MCF2L2: variants seen among roughly 807,000 people sequenced by gnomAD.
MCF2L2 encodes MCF.2 cell line derived transforming sequence-like 2, also known as probable guanine nucleotide exchange factor MCF2L2.
In MCF2L2, 102 loss-of-function variants were observed where a neutral mutation model predicts 150.2. The observed-to-expected ratio is 0.68, with a 90% CI of 0.58 to 0.80. MCF2L2 has a LOEUF of 0.80. Ranked by LOEUF, MCF2L2 falls within the 30% of genes least tolerant of loss-of-function variation. The pLI, the probability that MCF2L2 is intolerant of heterozygous loss-of-function variation, is 0.00. For synonymous variants in MCF2L2, 465 were observed against 491.3 expected (o/e 0.95, Z 0.71); for missense variants, 1,256 against 1,372.8 (o/e 0.91, Z 1.34).
chr3:183,254,664 C>A (rs548449759), intron 15 of MCF2L2: 1 of 152,226 alleles, frequency 6.6e-6, no homozygotes, highest in Non-Finnish European at 1.5e-5. Context: ...GCCGGGGGCC[C>A]CAGGCTTGCG....
In MCF2L2 at chr3:183,187,135, C is replaced by T. The variant is rs541194426; in HGVS notation, c.3016+5864G>A. On this transcript the variant is annotated intron_variant, in intron 27 of 29. Coordinates refer to ENST00000328913, the MANE Select transcript of MCF2L2 (RefSeq NM_015078.4). ...AGAGTGCCCCAATAAGTTTGAATAA[C>T]ACAAAAAAAAAGATAATGAAAGTAA... Among the ~76,000 whole-genome samples the T allele has an allele frequency of 4.6e-4, 70 of 151,616 alleles. No individual in the cohort carries two copies. The South Asian group carries it at 0.014, about 31-fold the overall frequency.
At chr3:183,365,577 A>G (rs1712473558) in intron 3 of MCF2L2, among the ~76,000 whole-genome samples, 1 of 152,248 alleles carries the variant, frequency 6.6e-6, no homozygotes, top group Non-Finnish European at 1.5e-5. Context: ...TTTGAGAAAG[A>G]TAAACTTGGA....
At chr3:183,323,694 T>C (rs1237791313) in intron 5 of MCF2L2, among the ~76,000 whole-genome samples, 1 of 150,598 alleles carries the variant, frequency 6.6e-6, no homozygotes, top group Non-Finnish European at 1.5e-5. Flanking sequence ...GCTACTTGGG[T>C]GGCTAAGTCA....
chr3:183,416,612 T>C (rs544787769), intron 1 of MCF2L2, among the ~76,000 whole-genome samples: 9 of 152,364 alleles, frequency 5.9e-5, no homozygotes, highest in Admixed American at 5.2e-4. Context: ...GCTTGATTTA[T>C]GATTTTTCAA....
intron 25 of MCF2L2, among the ~76,000 whole-genome samples, chr3:183,202,376 T>C (rs1722318163): frequency 6.6e-6 from 1 of 152,194 alleles, no homozygotes; most frequent in Admixed American, 6.5e-5. Flanking sequence ...AAGATGCTCA[T>C]AGAGGGTTGT....
intron 25 of MCF2L2, among the ~76,000 whole-genome samples, chr3:183,201,794 G>A (rs994511785): frequency 4.5e-4 from 68 of 152,120 alleles, no homozygotes; most frequent in African/African-American, 1.4e-3. Context: ...TTTGAGATAC[G>A]TCCCATCAAT....
chr3:183,400,209 ACTT>A (rs1411652044), intron 1 of MCF2L2: 1 of 309,796 alleles, frequency 3.2e-6, no homozygotes, highest in African/African-American at 2.2e-5. Context: ...TCATTTTAAA[ACTT>A]CTTCACAAAA....
chr3:183,357,525 C>T (rs553737335), intron 3 of MCF2L2, among the ~76,000 whole-genome samples: 2 of 152,302 alleles, frequency 1.3e-5, no homozygotes, highest in Non-Finnish European at 2.9e-5. Context: ...TGACGTGACA[C>T]CAAAAGTGGA....
chr3:183,268,985 CTG>C (rs1174370403), intron 15 of MCF2L2, among the ~76,000 whole-genome samples: 1 of 151,930 alleles, frequency 6.6e-6, no homozygotes, highest in Non-Finnish European at 1.5e-5. Context: ...AAGGAGCAAA[CTG>C]TGACTCCTTG....
chr3:183,211,216 C>G (rs1163759876), intron 22 of MCF2L2, among the ~76,000 whole-genome samples: 1 of 152,092 alleles, frequency 6.6e-6, no homozygotes, highest in Non-Finnish European at 1.5e-5. Context: ...AACCCCGGCT[C>G]CCTCCCCAGG....
chr3:183,424,038 T>C (rs139685412), intron 1 of MCF2L2, among the ~76,000 whole-genome samples: 10 of 152,300 alleles, frequency 6.6e-5, no homozygotes, highest in African/African-American at 2.2e-4. Context: ...AGATAGTCCA[T>C]GTTACTTAGA....
At chr3:183,297,364 T>C (rs1728571383) in intron 11 of MCF2L2, 197 bp from the exon 12 acceptor site, 2 of 516,334 alleles carry the variant, frequency 3.9e-6, no homozygotes, top group Non-Finnish European at 7.0e-6. Context: ...AACCAGCTGA[T>C]ACCTGTCCAC....
In MCF2L2 at chr3:183,187,312, G is replaced by A. The variant is rs193269591; in HGVS notation, c.3016+5687C>T. ...AGGCTGGCAGACAGGTTCTTCCTCT[G>A]TTAGCTCTGAGGTACAACAGTTATT... is the stretch of plus-strand genomic sequence containing the variant. On this transcript the variant is annotated intron_variant, in intron 27 of 29. Transcript: ENST00000328913. 1.0e-3 allele frequency among the ~76,000 whole-genome samples: 153 copies of A among 152,252 alleles called. 1 individual carries two copies. Among genetic ancestry groups the A allele is most frequent in the African/African-American group, 3.6e-3 (148 of 41,546 alleles).
At chr3:183,232,600 T>C (rs2108674564) in intron 15 of MCF2L2, among the ~76,000 whole-genome samples, 1 of 152,284 alleles carries the variant, frequency 6.6e-6, no homozygotes, top group East Asian at 1.9e-4. Context: ...ATCTATTAAA[T>C]GGCAGCCTCT....
chr3:183,358,005 T>C (rs923219937), intron 3 of MCF2L2, among the ~76,000 whole-genome samples: 1 of 152,150 alleles, frequency 6.6e-6, no homozygotes, highest in Non-Finnish European at 1.5e-5. Flanking sequence ...ATGGTATTAG[T>C]GGCCGGGTGC....
chr3:183,199,954 C>T (rs558281949), intron 25 of MCF2L2, among the ~76,000 whole-genome samples: 1 of 152,150 alleles, frequency 6.6e-6, no homozygotes, highest in African/African-American at 2.4e-5. Context: ...AGGACATGAA[C>T]TCATTGTTTT....
At chr3:183,315,506 G>A (rs1729568379) in intron 7 of MCF2L2, among the ~76,000 whole-genome samples, 1 of 152,162 alleles carries the variant, frequency 6.6e-6, no homozygotes, top group African/African-American at 2.4e-5. Context: ...GATAGGGGGT[G>A]TTTAACCAAA....
intron 11 of MCF2L2, chr3:183,297,642 C>CCCTTCCTTCCTTCTTTCCTTCCTT (rs1728595843): frequency 6.8e-6 from 1 of 146,118 alleles, no homozygotes; most frequent in Non-Finnish European, 1.5e-5. Flanking sequence ...CTTCCTTCCT[C>CCCTTCCTTCCTTCTTTCCTTCCTT]CCTTCCTTCC....
chr3:183,331,977 C>T (rs1730289694), intron 5 of MCF2L2, among the ~76,000 whole-genome samples: 1 of 152,176 alleles, frequency 6.6e-6, no homozygotes, highest in African/African-American at 2.4e-5. Context: ...CCACCTGATT[C>T]CTATACCAGT....
Sources: gnomAD v4.1 joint callset for allele counts (sites outside exome capture counted in the v4.1 genomes callset) on GRCh38, gnomAD v4.1.1 for gene constraint, MANE v1.5 for transcripts, NCBI Gene and HGNC (gene_info 2026-07-23, HGNC 2026-07-21) for gene names.